The following ROCK2 variants were observed in gnomAD, a reference collection of about 807,000 sequenced individuals.
ROCK2 encodes the protein Rho associated coiled-coil containing protein kinase 2.
In ROCK2, 61 loss-of-function variants were observed where a neutral mutation model predicts 195.1. That is an observed-to-expected ratio of 0.31 (90% CI 0.25 to 0.39). ROCK2 has a LOEUF of 0.39. ROCK2 is among the 10% of genes least tolerant of loss of function. The probability of loss-of-function intolerance (pLI) is 1.00; values close to 1 mark genes in which losing one functional copy is unlikely to be tolerated. For synonymous variants in ROCK2, 504 were observed against 545.5 expected (o/e 0.92, Z 1.06); for missense variants, 1,109 against 1,637.4 (o/e 0.68, Z 5.57).
At chr2:11,313,816 T>A (rs187881876) in intron 1 of ROCK2, among the ~76,000 whole-genome samples, 1 of 151,924 alleles carries the variant, frequency 6.6e-6, no homozygotes, top group Non-Finnish European at 1.5e-5. Context: ...GTGCATGTTA[T>A]AAAGAGAGAA....
rs1187985342 is a variant in ROCK2, at chr2:11,227,203, T to TA, written c.868+50dup. 3 of 1,477,604 alleles carry TA rather than the reference T, an allele frequency of 2.0e-6. No homozygotes were observed. The Admixed American group carries it at 5.8e-5, about 29-fold the overall frequency. The allele number at this position is 1,477,604 out of a possible 1,614,324, so 91.5% of individuals were successfully genotyped here. On this transcript the variant is annotated intron_variant, in intron 6 of 32. Coordinates refer to ENST00000315872, the MANE Select transcript of ROCK2 (RefSeq NM_004850.5). The stretch of plus-strand genomic sequence containing the variant: ...TATATTCTCAAATTCTTGACTGAAA[T>TA]AAAGTATTATAAGAAGCATTTTGAA...
chr2:11,271,967 C>T (rs1666649484), intron 3 of ROCK2, among the ~76,000 whole-genome samples: 2 of 144,872 alleles, frequency 1.4e-5, no homozygotes, highest in Admixed American at 7.4e-5. Flanking sequence ...TTGCAGTGAG[C>T]AGAGATCACA....
intron 1 of ROCK2, among the ~76,000 whole-genome samples, chr2:11,313,331 ACT>A (rs1462671444): frequency 6.6e-6 from 1 of 152,024 alleles, no homozygotes; most frequent in Non-Finnish European, 1.5e-5. Flanking sequence ...AACAAGAAAG[ACT>A]CTGACCAGCA....
chr2:11,183,637 C>G (rs977952116), intron 32 of ROCK2, among the ~76,000 whole-genome samples, 197 bp from the exon 33 acceptor site: 1 of 152,084 alleles, frequency 6.6e-6, no homozygotes, highest in Non-Finnish European at 1.5e-5. Context: ...TATATTCTTT[C>G]CCAAAACAAC....
chr2:11,185,852 A>G (rs537747147), intron 32 of ROCK2, among the ~76,000 whole-genome samples: 98 of 152,356 alleles, frequency 6.4e-4, no homozygotes, highest in African/African-American at 2.3e-3. Flanking sequence ...TCTGGTCCCC[A>G]AAGTCTCACC....
At chr2:11,328,589 T>C (rs1293974604) in intron 1 of ROCK2, among the ~76,000 whole-genome samples, 1 of 152,200 alleles carries the variant, frequency 6.6e-6, no homozygotes, top group Non-Finnish European at 1.5e-5. Context: ...CCAAATCCAA[T>C]GTTCTTTCCA....
intron 20 of ROCK2, among the ~76,000 whole-genome samples, chr2:11,207,121 T>C (rs1664081777): frequency 1.3e-5 from 2 of 152,202 alleles, no homozygotes; most frequent in Admixed American, 1.3e-4. Context: ...CTTGTTATGC[T>C]GTCCAGGATG....
At chr2:11,341,076 G>A (rs1007835942) in intron 1 of ROCK2, among the ~76,000 whole-genome samples, 52 of 58,188 alleles carry the variant, frequency 8.9e-4, no homozygotes, top group Middle Eastern at 9.4e-3. Flanking sequence ...CTGAAGACTC[G>A]CCTCCAAAAA....
At chr2:11,232,449 T>C (rs914155022) in intron 5 of ROCK2, among the ~76,000 whole-genome samples, 22 of 152,328 alleles carry the variant, frequency 1.4e-4, no homozygotes, top group African/African-American at 4.6e-4. Context: ...ACATTTCTAA[T>C]GGCTTTGGTA....
chr2:11,214,664 C>T (rs1031826482), intron 16 of ROCK2, among the ~76,000 whole-genome samples, 176 bp downstream of exon 16: 1 of 152,152 alleles, frequency 6.6e-6, no homozygotes, highest in Non-Finnish European at 1.5e-5. Context: ...TAAAATCATA[C>T]TATTTGAAAT....
At chr2:11,305,048 T>G (rs58157918) in intron 1 of ROCK2, among the ~76,000 whole-genome samples, 129,670 of 151,878 alleles carry the variant, frequency 0.85, 55,820 homozygotes, top group East Asian at 0.99. Flanking sequence ...GGAACTAGAT[T>G]GTATCAATAT....
At chr2:11,310,912 C>T (rs1443462842) in intron 1 of ROCK2, among the ~76,000 whole-genome samples, 3 of 151,840 alleles carry the variant, frequency 2.0e-5, no homozygotes, top group African/African-American at 7.3e-5. Flanking sequence ...GATTTCACCT[C>T]TGTGAGAAAA....
In ROCK2 at chr2:11,292,878, G is replaced by C. The variant is rs114092370; in HGVS notation, c.142-5142C>G. On this transcript the variant is annotated intron_variant, in intron 1 of 32. Transcript: ENST00000315872. Reference sequence around the variant, plus strand: ...GGATCACAGGGTAAGACTTTTCCCTGTTGTCATGATAGTGAGTGAGTACTC... The same window carrying C: ...GGATCACAGGGTAAGACTTTTCCCTCTTGTCATGATAGTGAGTGAGTACTC... 8.4e-3 allele frequency among the ~76,000 whole-genome samples: 1,279 copies of C among 152,266 alleles called. 20 individuals are homozygous for C. The highest frequency in any genetic ancestry group is 0.03 in the African/African-American group (1,239 of 41,546).
Position 11,182,648 on chromosome 2 carries a change from GT to G in ROCK2, c.*788del, listed in dbSNP as rs1378094518. The G allele has an allele frequency of 2.0e-5, 3 of 152,332 alleles. No homozygotes were observed. Among genetic ancestry groups the G allele is most frequent in the African/African-American group, 4.8e-5 (2 of 41,394 alleles). The allele number at this position is 152,332 out of a possible 1,614,324, so 9.4% of individuals were successfully genotyped here. A position where few individuals can be genotyped will look rare whatever the true frequency, so the allele number is the denominator to read the frequency against. On this transcript the variant is annotated 3_prime_UTR_variant, in exon 33 of 33. Coordinates refer to ENST00000315872, the MANE Select transcript of ROCK2 (RefSeq NM_004850.5). Reference sequence around the variant, plus strand: ...CTAAGAGCTGGTAAACGCTTTTTTTGTTTTTTAATACAGACAGGGCTGAGAC... The same window carrying G: ...CTAAGAGCTGGTAAACGCTTTTTTTGTTTTTAATACAGACAGGGCTGAGAC...
At chr2:11,326,342 C>T (rs1429793868) in intron 1 of ROCK2, among the ~76,000 whole-genome samples, 1 of 152,142 alleles carries the variant, frequency 6.6e-6, no homozygotes, top group Non-Finnish European at 1.5e-5. Flanking sequence ...CAACAGAAGA[C>T]AGCAATTTGA....
intron 3 of ROCK2, among the ~76,000 whole-genome samples, chr2:11,282,992 C>T (rs1237939681): frequency 6.6e-6 from 1 of 152,126 alleles, no homozygotes; most frequent in African/African-American, 2.4e-5. Flanking sequence ...ACAGGCTAGG[C>T]GTGGTGGCTC....
intron 1 of ROCK2, among the ~76,000 whole-genome samples, chr2:11,339,165 T>C (rs1458615426): frequency 6.6e-6 from 1 of 152,216 alleles, no homozygotes; most frequent in Non-Finnish European, 1.5e-5. Flanking sequence ...ATTAAATACA[T>C]ACTGAAGTGT....
intron 3 of ROCK2, among the ~76,000 whole-genome samples, chr2:11,272,869 C>CAAAAA (rs34327134): frequency 9.1e-5 from 9 of 99,248 alleles, no homozygotes; most frequent in African/African-American, 3.4e-4. Flanking sequence ...GACTCTGTCT[C>CAAAAA]AAAAAAAAAA....
At position 11,311,226 on chromosome 2, in the gene ROCK2, G is replaced by A. The variant is rs932269912; in HGVS notation, c.142-23490C>T. On this transcript the variant is annotated intron_variant, in intron 1 of 32. Transcript: ENST00000315872. Reference sequence around the variant, plus strand: ...GAGCCAATCTTATTAATGAGGAAAAGCTTTAAAGGCCAAACGAATTTATTT... The same window carrying A: ...GAGCCAATCTTATTAATGAGGAAAAACTTTAAAGGCCAAACGAATTTATTT... Among the ~76,000 whole-genome samples, 6 of 152,080 alleles carry A rather than the reference G, an allele frequency of 3.9e-5. No individual in the cohort carries two copies. In the East Asian group the frequency reaches 5.8e-4, roughly 15 times the overall value.
Sources: allele counts gnomAD v4.1 joint callset (sites outside exome capture counted in the v4.1 genomes callset), GRCh38; gene constraint gnomAD v4.1.1; transcripts MANE v1.5; gene names NCBI Gene and HGNC (gene_info 2026-07-23, HGNC 2026-07-21).